The following CSMD1 variants were observed in gnomAD, a reference collection of about 807,000 sequenced individuals.
CSMD1 encodes CUB and sushi domain-containing protein 1.
In CSMD1, 213 loss-of-function variants were observed where a neutral mutation model predicts 417.5. The observed-to-expected ratio is 0.51, with a 90% CI of 0.46 to 0.57. The LOEUF (loss-of-function observed/expected upper bound fraction) is 0.57. Ranked by LOEUF, CSMD1 falls within the 20% of genes least tolerant of loss-of-function variation. CSMD1 has a pLI of 0.00. For synonymous variants in CSMD1, 2,862 were observed against 1,736.8 expected, an observed-to-expected ratio of 1.65 and a Z score of -16.11; for missense variants, 6,923 against 4,529.7, an observed-to-expected ratio of 1.53 and a Z score of -15.17.
chr8:4,044,790 G>C (rs540116074), intron 3 of CSMD1, among the ~76,000 whole-genome samples: 12 of 42,026 alleles, frequency 2.9e-4, no homozygotes, highest in Admixed American at 1.5e-3. Context: ...AGCACCCTGA[G>C]GGTGTACCAC....
At position 3,892,445 on chromosome 8, in the gene CSMD1, T is replaced by C. The variant is rs530212050; in HGVS notation, c.818+105458A>G. On this transcript the variant is annotated intron_variant, in intron 5 of 69. Transcript: ENST00000635120. ...AAAGCTTGTGAAGTGACAGGCTTCA[T>C]AGCCCCTCATTCATTCAGGCCCCAA... is the stretch of plus-strand genomic sequence containing the variant. 5.6e-4 allele frequency among the ~76,000 whole-genome samples: 86 copies of C among 152,276 alleles called. 1 individual carries two copies. The highest frequency in any genetic ancestry group is 1.1e-3 in the Non-Finnish European group (74 of 68,032).
rs535074646 is a variant in CSMD1 at position 4,464,833 on chromosome 8, A to G, written c.303-44768T>C. ...CTCTTTGAAGTTTTGGGAGGAAAGT[A>G]TCTATGATCCCAATTTACCCTGCTG... On this transcript the variant is annotated intron_variant, in intron 2 of 69. Coordinates refer to ENST00000635120, the MANE Select transcript of CSMD1 (RefSeq NM_033225.6). Among the ~76,000 whole-genome samples, 11 of 151,364 alleles carry G rather than the reference A, an allele frequency of 7.3e-5. No homozygotes were observed. In the East Asian group the frequency reaches 2.1e-3, roughly 29 times the overall value.
At chr8:4,189,552 A>C in intron 3 of CSMD1, among the ~76,000 whole-genome samples, 1 of 152,206 alleles carries the variant, frequency 6.6e-6, no homozygotes, top group East Asian at 1.9e-4. Context: ...ACCATCAATT[A>C]TCCCTCCAAA....
At chr8:3,807,874 T>C (rs911861919) in intron 5 of CSMD1, among the ~76,000 whole-genome samples, 1 of 152,140 alleles carries the variant, frequency 6.6e-6, no homozygotes, top group Non-Finnish European at 1.5e-5. Flanking sequence ...TAATGCTAAG[T>C]ACAAAAGCAA....
At chr8:4,227,851 A>G (rs1290191289) in intron 3 of CSMD1, among the ~76,000 whole-genome samples, 2 of 140,824 alleles carry the variant, frequency 1.4e-5, no homozygotes, top group East Asian at 4.1e-4. Context: ...TAAACCCCAC[A>G]CCAGGAGACA....
chr8:3,535,078 G>C (rs986003263), intron 10 of CSMD1, among the ~76,000 whole-genome samples: 1 of 152,064 alleles, frequency 6.6e-6, no homozygotes, highest in African/African-American at 2.4e-5. Context: ...CTACTGAGTA[G>C]TTGGGACTAC....
At chr8:3,173,042 A>G (rs557467411) in intron 37 of CSMD1, among the ~76,000 whole-genome samples, 1 of 152,296 alleles carries the variant, frequency 6.6e-6, no homozygotes, top group South Asian at 2.1e-4. Flanking sequence ...TGTCAAATAC[A>G]TTAGAACTTG....
At chr8:3,809,076 C>A (rs1430490431) in intron 5 of CSMD1, among the ~76,000 whole-genome samples, 1 of 152,148 alleles carries the variant, frequency 6.6e-6, no homozygotes, top group East Asian at 1.9e-4. Context: ...AATCACGCAG[C>A]TTCTATCATA....
intron 3 of CSMD1, among the ~76,000 whole-genome samples, chr8:4,370,574 T>A (rs1402262394): frequency 1.3e-5 from 2 of 152,222 alleles, no homozygotes; most frequent in Non-Finnish European, 2.9e-5. Context: ...GGAATAACAA[T>A]GAGTTGTGTT....
At chr8:3,122,704 G>A (rs1025405854) in intron 41 of CSMD1, among the ~76,000 whole-genome samples, 7 of 152,036 alleles carry the variant, frequency 4.6e-5, no homozygotes, top group Non-Finnish European at 7.4e-5. Flanking sequence ...TCTTGCTGCC[G>A]CCATGTAAGA....
chr8:3,563,885 T>C (rs1585375308), intron 10 of CSMD1, among the ~76,000 whole-genome samples: 1 of 152,088 alleles, frequency 6.6e-6, no homozygotes, highest in East Asian at 1.9e-4. Flanking sequence ...CTAGACTCCG[T>C]CTCAAAAAAA....
intron 5 of CSMD1, among the ~76,000 whole-genome samples, chr8:3,903,843 G>A (rs567138910): frequency 3.3e-5 from 5 of 152,060 alleles, no homozygotes; most frequent in Non-Finnish European, 7.4e-5. Flanking sequence ...TCTCTTTAGT[G>A]GTCTTGTTTG....
chr8:3,634,034 T>C (rs1206804223), intron 7 of CSMD1, among the ~76,000 whole-genome samples: 1 of 133,420 alleles, frequency 7.5e-6, no homozygotes, highest in African/African-American at 2.9e-5. Flanking sequence ...TTACTGTCAG[T>C]GAAATAAAGG....
chr8:4,802,322 C>A (rs1241280840), intron 1 of CSMD1, among the ~76,000 whole-genome samples: 3 of 151,520 alleles, frequency 2.0e-5, no homozygotes, highest in Admixed American at 6.6e-5. Flanking sequence ...GGTCCTCCAA[C>A]TAGGAACAAG....
intron 2 of CSMD1, among the ~76,000 whole-genome samples, chr8:4,571,804 G>A (rs1330457291): frequency 6.6e-6 from 1 of 152,112 alleles, no homozygotes; most frequent in African/African-American, 2.4e-5. Flanking sequence ...TCCGAATCTG[G>A]GGGCTTCTAT....
At chr8:3,545,005 C>G (rs1798600397) in intron 10 of CSMD1, among the ~76,000 whole-genome samples, 1 of 152,052 alleles carries the variant, frequency 6.6e-6, no homozygotes. Flanking sequence ...TGAAATTTCT[C>G]TCAGGGAAAT....
chr8:4,519,669 G>T (rs551605945), intron 2 of CSMD1, among the ~76,000 whole-genome samples: 3 of 138,316 alleles, frequency 2.2e-5, no homozygotes, highest in African/African-American at 8.1e-5. Context: ...CTTGAACCCA[G>T]GAGGCAGAGG....
At chr8:4,613,322 G>A (rs187047737) in intron 2 of CSMD1, among the ~76,000 whole-genome samples, 19 of 152,244 alleles carry the variant, frequency 1.2e-4, no homozygotes, top group African/African-American at 4.1e-4. Flanking sequence ...AGACACCACC[G>A]CAGGTGGCCA....
intron 3 of CSMD1, among the ~76,000 whole-genome samples, chr8:4,233,827 G>A (rs890870232): frequency 6.6e-6 from 1 of 152,110 alleles, no homozygotes; most frequent in Admixed American, 6.5e-5. Context: ...ATTTGAGTTG[G>A]TTAATTATTA....
Sources: gnomAD v4.1 joint callset for allele counts (sites outside exome capture counted in the v4.1 genomes callset) on GRCh38, gnomAD v4.1.1 for gene constraint, MANE v1.5 for transcripts, NCBI Gene and HGNC (gene_info 2026-07-23, HGNC 2026-07-21) for gene names.